The following CD163L1 variants were observed in gnomAD, a reference collection of about 807,000 sequenced individuals.
The protein encoded by CD163L1 is scavenger receptor cysteine-rich type 1 protein M160.
In CD163L1, 124 loss-of-function variants were observed where a neutral mutation model predicts 165.4. The ratio of observed to expected loss-of-function variants is 0.75; its 90% CI spans 0.65 to 0.87. The LOEUF (loss-of-function observed/expected upper bound fraction) is 0.87. Ranked by LOEUF, CD163L1 falls within the 40% of genes least tolerant of loss-of-function variation. The pLI, the probability that CD163L1 is intolerant of heterozygous loss-of-function variation, is 0.00. For missense variants in CD163L1, 1,525 were observed against 1,799.9 expected (o/e 0.85, Z 2.76); for synonymous variants, 585 against 662.2 (o/e 0.88, Z 1.79).
Position 7,409,953 on chromosome 12 carries a change from A to T in CD163L1, c.767-3101T>A, listed in dbSNP as rs137878962. Among the ~76,000 whole-genome samples, 525 of 152,322 alleles carry T rather than the reference A, an allele frequency of 3.4e-3. 4 individuals carry two copies. Among genetic ancestry groups the T allele is most frequent in the African/African-American group, 0.012 (490 of 41,578 alleles). ...AAAGACACAATCAACAGGAGGTGTG[A>T]ATTACCAGAAATAGACTGTAAATTA... is the stretch of plus-strand genomic sequence containing the variant. On this transcript the variant is annotated intron_variant, in intron 4 of 19. Transcript: ENST00000313599.
chr12:7,438,322 A>G (rs1207814939), intron 2 of CD163L1, among the ~76,000 whole-genome samples: 2 of 152,202 alleles, frequency 1.3e-5, no homozygotes, highest in Non-Finnish European at 2.9e-5. Flanking sequence ...TTGCAAAGCC[A>G]TATAAAAATA....
intron 4 of CD163L1, among the ~76,000 whole-genome samples, chr12:7,431,528 G>A (rs991008444): frequency 1.3e-5 from 2 of 151,608 alleles, no homozygotes; most frequent in Non-Finnish European, 2.9e-5. Context: ...GAGAAATGAA[G>A]GACTTAAAAG....
rs750899069 is a variant in CD163L1, at chr12:7,374,497, G to A, written c.3354C>T (p.Arg1118=). The part of the protein sequence containing the change: ...MESHLWQCPS[R]GWGQHDCRHK... Reference sequence around the variant, plus strand: ...GCCTGCAGTCGTGCTGCCCCCAGCCGCGGGAAGGGCACTGCCACAAGTGGG... The same window carrying A: ...GCCTGCAGTCGTGCTGCCCCCAGCCACGGGAAGGGCACTGCCACAAGTGGG... The change falls in exon 13 of 20, where the codon CGC becomes CGT. Residue 1118 remains arginine, a synonymous_variant. Transcript: ENST00000313599. This position sits in a 1 kb window ranked among gnomAD's most constrained non-coding sequence, Gnocchi z 5.4. 40 of 1,614,046 alleles carry A rather than the reference G, an allele frequency of 2.5e-5. No homozygotes were observed. The Admixed American group carries it at 4.0e-4, about 16-fold the overall frequency.
the CD163L1 span, chr12:7,322,273 G>C: frequency 9.1e-7 from 1 of 1,102,094 alleles, no homozygotes; most frequent in Admixed American, 2.0e-5. Flanking sequence ...CAATATAGCA[G>C]GTGTTCAACA....
intron 8 of CD163L1, among the ~76,000 whole-genome samples, chr12:7,382,521 C>T (rs1947433050): frequency 6.6e-6 from 1 of 152,104 alleles, no homozygotes; most frequent in Admixed American, 6.5e-5. Context: ...TGGTATGGAT[C>T]CCCACTGTAG....
intron 8 of CD163L1, among the ~76,000 whole-genome samples, chr12:7,380,806 C>T (rs750968553): frequency 7.2e-5 from 11 of 152,018 alleles, no homozygotes; most frequent in Admixed American, 3.9e-4. Flanking sequence ...AAAGAGGAAA[C>T]GAAGAATTAA....
chr12:7,350,738 A>G (rs1946701304), downstream of CD163L1, among the ~76,000 whole-genome samples: 1 of 152,186 alleles, frequency 6.6e-6, no homozygotes, highest in Admixed American at 6.5e-5. Flanking sequence ...CAGATGTTAG[A>G]AATGATGTTT....
chr12:7,365,798 A>G (rs1947005162), intron 18 of CD163L1, among the ~76,000 whole-genome samples: 1 of 152,124 alleles, frequency 6.6e-6, no homozygotes, highest in Non-Finnish European at 1.5e-5. Context: ...GAGAACCCTC[A>G]TACACCATTG....
chr12:7,406,425 T>C (rs1359709176), intron 5 of CD163L1, 107 bp downstream of exon 5: 1 of 1,042,934 alleles, frequency 9.6e-7, no homozygotes, highest in Non-Finnish European at 1.4e-6. Flanking sequence ...TTGTAACTTC[T>C]TCACAATTCT....
chr12:7,421,079 A>ATATATG (rs1948358460), intron 4 of CD163L1, among the ~76,000 whole-genome samples: 1 of 119,934 alleles, frequency 8.3e-6, no homozygotes, highest in Non-Finnish European at 1.6e-5. Flanking sequence ...ATATACGTAT[A>ATATATG]TATATACGTA....
chr12:7,425,692 C>T (rs1328014352), intron 4 of CD163L1, among the ~76,000 whole-genome samples: 1 of 151,876 alleles, frequency 6.6e-6, no homozygotes, highest in Non-Finnish European at 1.5e-5. Context: ...ATTATGTTGG[C>T]CACATAAATG....
intron 8 of CD163L1, among the ~76,000 whole-genome samples, chr12:7,390,203 G>A (rs1947621962): frequency 6.6e-6 from 1 of 151,600 alleles, no homozygotes; most frequent in African/African-American, 2.4e-5. Flanking sequence ...GTGTGCGTGT[G>A]GTGGGCGGAC....
chr12:7,440,292 C>A (rs1253169903), intron 2 of CD163L1, among the ~76,000 whole-genome samples: 3 of 151,674 alleles, frequency 2.0e-5, no homozygotes, highest in Non-Finnish European at 4.4e-5. Context: ...GGAGGGCGGA[C>A]TGCGCAGTGC....
At chr12:7,380,560 T>C (rs748727190) in intron 8 of CD163L1, among the ~76,000 whole-genome samples, 4 of 151,956 alleles carry the variant, frequency 2.6e-5, no homozygotes, top group Non-Finnish European at 5.9e-5. Context: ...TTCTCACTCA[T>C]AAGTGGGGGG....
chr12:7,381,346 C>T (rs1947404196), intron 8 of CD163L1, among the ~76,000 whole-genome samples: 2 of 152,166 alleles, frequency 1.3e-5, no homozygotes, highest in South Asian at 4.1e-4. Flanking sequence ...AGTCCCACTT[C>T]CTGCCACTTA....
intron 4 of CD163L1, among the ~76,000 whole-genome samples, chr12:7,426,673 G>T (rs1164751828): frequency 6.6e-6 from 1 of 152,006 alleles, no homozygotes; most frequent in Admixed American, 6.6e-5. Flanking sequence ...AACCGCCCTG[G>T]CACATGTCTA....
chr12:7,421,576 T>TATATGTATATATACATATAC (rs1491391164), intron 4 of CD163L1, among the ~76,000 whole-genome samples: 1 of 101,954 alleles, frequency 9.8e-6, no homozygotes, highest in African/African-American at 3.9e-5. Flanking sequence ...CATATATACA[T>TATATGTATATATACATATAC]GTACATATAT....
chr12:7,390,193 G>T (rs1301829300), intron 8 of CD163L1, among the ~76,000 whole-genome samples: 1 of 151,770 alleles, frequency 6.6e-6, no homozygotes, highest in African/African-American at 2.4e-5. Flanking sequence ...GCTGGGAAGG[G>T]TGTGCGTGTG....
In CD163L1 at chr12:7,373,610, G is replaced by T. The variant is rs1170067930; in HGVS notation, c.3440C>A (p.Thr1147Asn). The T allele has an allele frequency of 6.2e-7, 1 of 1,609,910 alleles. No homozygotes were observed. The highest frequency in any genetic ancestry group is 1.7e-5 in the Admixed American group (1 of 59,864). ...EFTALRLYSE[T>N]ETESCAGRLE... Reference sequence around the variant, plus strand: ...TCTCCCAGCACAGCTCTCTGTTTCAGTTTCACTGTAGAGCCTCAAGGCTGT... The same window carrying T: ...TCTCCCAGCACAGCTCTCTGTTTCATTTTCACTGTAGAGCCTCAAGGCTGT... The change falls in exon 14 of 20, where the codon ACT becomes AAT. Residue 1147 changes from threonine (T) to asparagine (N), a missense_variant. Coordinates refer to ENST00000313599, the MANE Select transcript of CD163L1 (RefSeq NM_174941.6).
Sources: allele counts gnomAD v4.1 joint callset (sites outside exome capture counted in the v4.1 genomes callset), GRCh38; gene constraint gnomAD v4.1.1; non-coding constraint Gnocchi (gnomAD v3.1); transcripts MANE v1.5; gene names NCBI Gene and HGNC (gene_info 2026-07-23, HGNC 2026-07-21).